Variants in CDH3 observed in about 807,000 individuals in gnomAD.
CDH3 encodes the protein cadherin 3, also known as cadherin-3.
In CDH3, 54 loss-of-function variants were observed where a neutral mutation model predicts 82.0. That is an observed-to-expected ratio of 0.66 (90% CI 0.53 to 0.83). The LOEUF is 0.83. CDH3 is among the 40% of genes least tolerant of loss of function. CDH3 has a pLI of 0.00. For synonymous variants in CDH3, 446 were observed against 437.9 expected (o/e 1.02, Z -0.23); for missense variants, 1,054 against 1,084.6 (o/e 0.97, Z 0.40).
intron 2 of CDH3, among the ~76,000 whole-genome samples, chr16:68,673,895 G>A (rs1454605256): frequency 1.3e-5 from 2 of 151,996 alleles, no homozygotes; most frequent in Non-Finnish European, 2.9e-5. Context: ...GCCTGGGCAA[G>A]AGAGTGAGAC....
In CDH3 at chr16:68,698,671, C is replaced by T. The variant is rs551175273; in HGVS notation, c.*271C>T. 33 of 517,832 alleles carry T rather than the reference C, an allele frequency of 6.4e-5. No homozygotes were observed. Among genetic ancestry groups the T allele is most frequent in the African/African-American group, 3.2e-4 (17 of 52,450 alleles). The allele number at this position is 517,832 out of a possible 1,614,324, so 32.1% of individuals were successfully genotyped here. ...AAGTTTCCAGAAGCCTCTTACCTGC[C>T]GTAAAATGCTCAACCCTGTGTCCTG... On this transcript the variant is annotated 3_prime_UTR_variant, in exon 16 of 16. Transcript: ENST00000264012.
intron 2 of CDH3, among the ~76,000 whole-genome samples, chr16:68,655,077 A>T (rs1321287336): frequency 6.6e-6 from 1 of 151,916 alleles, no homozygotes; most frequent in Non-Finnish European, 1.5e-5. Flanking sequence ...GGGTCTGACT[A>T]TGTTGCCTGG....
chr16:68,726,269 TGCCCCTCTGGTTCCA>T, intron 2 of CDH3, among the ~76,000 whole-genome samples: 1 of 152,066 alleles, frequency 6.6e-6, no homozygotes, highest in East Asian at 1.9e-4. Flanking sequence ...GAGGACCAAA[TGCCCCTCTGGTTCCA>T]GCCCTGGTCA....
chr16:68,709,447 G>C (rs1419577914), intron 1 of CDH3, among the ~76,000 whole-genome samples: 1 of 152,080 alleles, frequency 6.6e-6, no homozygotes, highest in Non-Finnish European at 1.5e-5. Context: ...AAGGGTTCAT[G>C]GAGGTGCAGT....
intron 3 of CDH3, among the ~76,000 whole-genome samples, chr16:68,676,929 A>G (rs535395897): frequency 6.6e-6 from 1 of 152,196 alleles, no homozygotes; most frequent in Non-Finnish European, 1.5e-5. Flanking sequence ...ATAAAAAATA[A>G]TAATAAGCTA....
chr16:68,678,958 T>G lies in CDH3; in HGVS notation c.691+52T>G, dbSNP rs752489424. 5 of 1,578,898 alleles carry G rather than the reference T, an allele frequency of 3.2e-6. No homozygotes were observed. In the East Asian group the frequency reaches 1.1e-4, roughly 35 times the overall value. On this transcript the variant is annotated intron_variant, in intron 6 of 15. Coordinates refer to ENST00000264012, the MANE Select transcript of CDH3 (RefSeq NM_001793.6). ...ACGGGGCTGGGCCCACACCCTTAAA[T>G]GCTAAAAGATCCCACCATACCTGAT...
chr16:68,720,142 G>A (rs1023991583), intron 1 of CDH3, among the ~76,000 whole-genome samples: 2 of 152,046 alleles, frequency 1.3e-5, no homozygotes, highest in African/African-American at 4.8e-5. Flanking sequence ...GGGTGCCAGA[G>A]TGAAACCCTG....
chr16:68,658,066 T>C (rs9923416), intron 2 of CDH3, among the ~76,000 whole-genome samples: 6,298 of 146,534 alleles, frequency 0.043, 342 homozygotes, highest in African/African-American at 0.14. Context: ...TTCTTTCTTT[T>C]TTTTTTTTTT....
intron 11 of CDH3, 139 bp from the exon 12 acceptor site, chr16:68,687,373 T>A: frequency 1.5e-6 from 1 of 673,792 alleles, no homozygotes. Flanking sequence ...ATGGCTCAAC[T>A]GGCATGTATG....
intron 12 of CDH3, among the ~76,000 whole-genome samples, chr16:68,691,107 G>A (rs184585922): frequency 0.018 from 2,627 of 149,124 alleles, 40 homozygotes; most frequent in Non-Finnish European, 0.024. Context: ...CCAGGTTCAA[G>A]TGATTCTCCT....
chr16:68,682,534 G>C (rs557316575), intron 9 of CDH3, 47 bp downstream of exon 9: 3 of 1,580,242 alleles, frequency 1.9e-6, no homozygotes, highest in East Asian at 4.5e-5. Context: ...GGGGCAGTCA[G>C]GTCTGCAGCC....
At chr16:68,671,156 T>A (rs1960874393) in intron 2 of CDH3, among the ~76,000 whole-genome samples, 1 of 92,886 alleles carries the variant, frequency 1.1e-5, no homozygotes, top group Non-Finnish European at 2.2e-5. Flanking sequence ...ATTGATGTAC[T>A]TTTTTTTTTT....
intron 2 of CDH3, among the ~76,000 whole-genome samples, chr16:68,647,294 C>G (rs1394438720): frequency 1.4e-5 from 2 of 138,686 alleles, no homozygotes; most frequent in Non-Finnish European, 3.1e-5. Context: ...TGACTACAGT[C>G]TCCCAGAATA....
chr16:68,647,309 A>G lies in CDH3; in HGVS notation c.160+1559A>G, dbSNP rs1960101772. ...TGACTACAGTCTCCCAGAATAGGCT[A>G]TAGCCTTGAGTGTTGTCTGTACCTT... On this transcript the variant is annotated intron_variant, in intron 2 of 15. Transcript: ENST00000264012. Among the ~76,000 whole-genome samples the G allele has an allele frequency of 2.3e-5, 3 of 130,302 alleles. No individual in the cohort carries two copies. In the Admixed American group the frequency reaches 2.9e-4, roughly 13 times the overall value. The allele number at this position is 130,302 out of a possible 152,430, so 85.5% of individuals were successfully genotyped here.
chr16:68,694,705 C>A (rs1961665182), intron 13 of CDH3, among the ~76,000 whole-genome samples: 1 of 151,858 alleles, frequency 6.6e-6, no homozygotes, highest in Non-Finnish European at 1.5e-5. Flanking sequence ...TTATCTTGTT[C>A]TTGAAGTCTG....
At chr16:68,692,063 G>T (rs1961596269) in intron 13 of CDH3, 137 bp downstream of exon 13, 1 of 647,868 alleles carries the variant, frequency 1.5e-6, no homozygotes, top group Non-Finnish European at 2.7e-6. Context: ...TTAAGACAGG[G>T]TCTCACTCTG....
chr16:68,651,837 C>A, intron 2 of CDH3: 1 of 494,508 alleles, frequency 2.0e-6, no homozygotes, highest in South Asian at 1.6e-5. Flanking sequence ...GCTGGTGAGT[C>A]CCTCGATCCA....
Position 68,682,319 on chromosome 16 carries a change from T to A in CDH3, c.1014T>A (p.Pro338=). ...FDPQKYEAHV[P]ENAVGHEVQR... is the part of the protein sequence containing the mutation. ...ACTGACAGTACGAGGCCCATGTGCC[T>A]GAGAATGCAGTGGGCCATGAGGTGC... The change falls in exon 9 of 16, where the codon CCT becomes CCA. Residue 338 remains proline, a synonymous_variant. Transcript: ENST00000264012. The A allele has an allele frequency of 3.7e-6, 6 of 1,613,592 alleles. No homozygotes were observed. Among genetic ancestry groups the A allele is most frequent in the Non-Finnish European group, 5.1e-6 (6 of 1,179,706 alleles).
At position 68,715,632 on chromosome 16, in the gene CDH3, G is replaced by A. The variant is rs541744206; in HGVS notation, c.100-6793G>A. ...AGGTCTGTACTCATAAAGCGTTCTT[G>A]GTGCACAGCATTTTAATAAAGACAT... On this transcript the variant is annotated intron_variant, in intron 1 of 2. Transcript: ENST00000569080. 1.8e-4 allele frequency among the ~76,000 whole-genome samples: 27 copies of A among 152,290 alleles called. 1 individual carries two copies. The South Asian group carries it at 5.4e-3, about 30-fold the overall frequency.
Sources: allele counts gnomAD v4.1 joint callset (sites outside exome capture counted in the v4.1 genomes callset), GRCh38; gene constraint gnomAD v4.1.1; transcripts MANE v1.5; gene names NCBI Gene and HGNC (gene_info 2026-07-23, HGNC 2026-07-21).